The following PKHD1 variants were observed in gnomAD, a reference collection of about 807,000 sequenced individuals.
The protein encoded by PKHD1 is fibrocystin.
In PKHD1, 291 loss-of-function variants were observed where a neutral mutation model predicts 412.0. That is an observed-to-expected ratio of 0.71 (90% CI 0.64 to 0.78). PKHD1 has a LOEUF of 0.78. Among genes scored for constraint, PKHD1 ranks in the 30% least tolerant of loss-of-function variants. PKHD1 has a pLI of 0.00. For missense variants in PKHD1, 4,825 were observed against 4,950.7 expected (o/e 0.97, Z 0.76); for synonymous variants, 1,777 against 1,821.5 (o/e 0.98, Z 0.62).
intron 52 of PKHD1, among the ~76,000 whole-genome samples, chr6:51,822,496 G>T (rs1378107797): frequency 6.6e-6 from 1 of 151,970 alleles, no homozygotes; most frequent in Non-Finnish European, 1.5e-5. Context: ...AATTAGCATT[G>T]CCCTAAGATG....
rs186486633 is a variant in PKHD1, at chr6:51,780,726, A to T, written c.8441-4805T>A. Among the ~76,000 whole-genome samples, 90 of 152,162 alleles carry T rather than the reference A, an allele frequency of 5.9e-4. 1 individual carries two copies. The highest frequency in any genetic ancestry group is 2.1e-3 in the African/African-American group (86 of 41,548). On this transcript the variant is annotated intron_variant, in intron 53 of 66. Coordinates refer to ENST00000371117, the MANE Select transcript of PKHD1 (RefSeq NM_138694.4). The stretch of plus-strand genomic sequence containing the variant: ...TTTCATTTTATAAAATTTGTTGTAT[A>T]TGTGTGTCATTTTCCACAATTAATA...
At chr6:51,678,303 T>C (rs1562085159) in intron 60 of PKHD1, among the ~76,000 whole-genome samples, 1 of 152,186 alleles carries the variant, frequency 6.6e-6, no homozygotes, top group African/African-American at 2.4e-5. Context: ...TGGAGAGGGC[T>C]AAGTTAGATG....
In PKHD1 at chr6:51,744,453, C is replaced by A; in HGVS notation, c.10088G>T (p.Gly3363Val). The change falls in exon 60 of 67, where the codon GGT becomes GTT. Residue 3363 changes from glycine to valine, a missense_variant. By Grantham distance (109) the Gly-to-Val change is moderately radical. Coordinates refer to ENST00000371117, the MANE Select transcript of PKHD1 (RefSeq NM_138694.4). ...LFKDLDGRALGLPPPVSVFPK... is the reference protein window; with the variant it reads ...LFKDLDGRALVLPPPVSVFPK... ...AAATACAGAAACTGGTGGAGGCAGA[C>A]CCAGGGCTCTCCCATCCAGATCCTT... The A allele has an allele frequency of 1.2e-6, 2 of 1,612,410 alleles. No homozygotes were observed. Among genetic ancestry groups the A allele is most frequent in the Non-Finnish European group, 1.7e-6 (2 of 1,178,450 alleles).
At chr6:51,934,909 C>T (rs1003288214) in intron 36 of PKHD1, among the ~76,000 whole-genome samples, 4 of 152,124 alleles carry the variant, frequency 2.6e-5, no homozygotes, top group African/African-American at 7.2e-5. Flanking sequence ...GAGTCACATA[C>T]TCGGGCTTTA....
chr6:51,779,473 G>A (rs2151183034), intron 53 of PKHD1, among the ~76,000 whole-genome samples: 1 of 152,122 alleles, frequency 6.6e-6, no homozygotes, highest in Non-Finnish European at 1.5e-5. Context: ...TACTGTAAGG[G>A]CCATTTACCT....
At position 52,068,013 on chromosome 6, in the gene PKHD1, A is replaced by ACAT. The variant is rs533555420; in HGVS notation, c.778+1441_778+1443dup. Among the ~76,000 whole-genome samples, 269 of 152,320 alleles carry ACAT rather than the reference A, an allele frequency of 1.8e-3. 1 individual carries two copies. The highest frequency in any genetic ancestry group is 3.2e-3 in the Non-Finnish European group (218 of 68,030). On this transcript the variant is annotated intron_variant, in intron 11 of 66. Transcript: ENST00000371117. ...AGAAATGGAGAGTTGCTGTACAGAT[A>ACAT]CATCATAAATAAGAGAGAAAACTGG...
At position 52,054,201 on chromosome 6, in the gene PKHD1, T is replaced by C. The variant is rs767937192; in HGVS notation, c.1837-36A>G. On this transcript the variant is annotated intron_variant, in intron 19 of 66. Coordinates refer to ENST00000371117, the MANE Select transcript of PKHD1 (RefSeq NM_138694.4). ...CAAATAAGTCCTTCAGTTCTATTAG[T>C]GCAAGAAGCAGTCATTCAAACAATA... 1.1e-5 allele frequency: 18 copies of C among 1,609,284 alleles called. No individual in the cohort carries two copies. The Admixed American group carries it at 2.7e-4, about 24-fold the overall frequency.
chr6:51,902,083 G>A (rs181077554), intron 43 of PKHD1, among the ~76,000 whole-genome samples: 388 of 152,220 alleles, frequency 2.5e-3, no homozygotes, highest in African/African-American at 7.7e-3. Flanking sequence ...GTGAGACAAG[G>A]ACATTCCAGC....
intron 61 of PKHD1, among the ~76,000 whole-genome samples, chr6:51,658,555 G>C (rs1269857951): frequency 2.0e-5 from 3 of 152,026 alleles, no homozygotes; most frequent in African/African-American, 7.2e-5. Flanking sequence ...CAAATAAAAT[G>C]ATATAGCAGT....
intron 37 of PKHD1, among the ~76,000 whole-genome samples, chr6:51,928,586 T>C (rs1412461525): frequency 6.6e-6 from 1 of 151,584 alleles, no homozygotes; most frequent in Non-Finnish European, 1.5e-5. Flanking sequence ...ACTTTCCCCC[T>C]GGGCACCATG....
chr6:51,988,420 A>G (rs1796468166), intron 35 of PKHD1, among the ~76,000 whole-genome samples: 1 of 152,228 alleles, frequency 6.6e-6, no homozygotes, highest in Non-Finnish European at 1.5e-5. Context: ...TAGAAACTTA[A>G]AAGTACAAAA....
intron 28 of PKHD1, among the ~76,000 whole-genome samples, chr6:52,034,011 T>C (rs911882618): frequency 1.3e-4 from 20 of 151,784 alleles, no homozygotes; most frequent in African/African-American, 3.6e-4. Flanking sequence ...TGCCTGTAAT[T>C]CAAGCTACTC....
rs141265782 is a variant in PKHD1 at position 51,798,690 on chromosome 6, T to C, written c.8303-7317A>G. Among the ~76,000 whole-genome samples, 43 of 152,300 alleles carry C rather than the reference T, an allele frequency of 2.8e-4. 2 individuals carry two copies. The highest frequency in any genetic ancestry group is 6.8e-3 in the Middle Eastern group (2 of 294). On this transcript the variant is annotated intron_variant, in intron 52 of 66. Transcript: ENST00000371117. ...GCTTGCATAGCTAGGTTGGGGAAGTTTTCCTGGACGATATCCTAAAATATG... is the reference window on the plus strand; with the variant it reads ...GCTTGCATAGCTAGGTTGGGGAAGTCTTCCTGGACGATATCCTAAAATATG...
intron 52 of PKHD1, among the ~76,000 whole-genome samples, chr6:51,798,488 G>A (rs1205888029): frequency 1.3e-5 from 2 of 152,128 alleles, no homozygotes; most frequent in Non-Finnish European, 2.9e-5. Flanking sequence ...TCCATTAAGA[G>A]GTCTGCTGTT....
chr6:51,790,010 C>A (rs1793490838), intron 53 of PKHD1, among the ~76,000 whole-genome samples: 3 of 152,060 alleles, frequency 2.0e-5, no homozygotes. Flanking sequence ...TGGAAGTATT[C>A]AAGAAAAGGA....
chr6:52,005,607 T>A (rs1332531587), intron 35 of PKHD1, among the ~76,000 whole-genome samples: 1 of 152,132 alleles, frequency 6.6e-6, no homozygotes, highest in Non-Finnish European at 1.5e-5. Context: ...GAAGATGACC[T>A]TTCCCAACTC....
chr6:52,045,003 A>G lies in PKHD1; in HGVS notation c.2678T>C (p.Phe893Ser). The G allele has an allele frequency of 6.2e-7, 1 of 1,613,734 alleles. No individual in the cohort carries two copies. Among genetic ancestry groups the G allele is most frequent in the Non-Finnish European group, 8.5e-7 (1 of 1,179,656 alleles). ...GTTGGCAGTAGCCAACATGTCTCCA[A>G]ATATGGGTCCAAGAAAAACTCCACC... is the stretch of plus-strand genomic sequence containing the variant. ...YDGGVFLGPI[F>S]GDMLATANQH... is the part of the protein sequence containing the mutation. Residue 893 changes from phenylalanine to serine, a missense_variant, in exon 25 of 67, where the codon TTT (phenylalanine) becomes TCT (serine). Transcript: ENST00000371117.
chr6:51,787,305 G>C (rs1227712735), intron 53 of PKHD1, among the ~76,000 whole-genome samples: 1 of 149,878 alleles, frequency 6.7e-6, no homozygotes, highest in Non-Finnish European at 1.5e-5. Flanking sequence ...GTTGCAATGA[G>C]CTGAGATGGC....
intron 33 of PKHD1, among the ~76,000 whole-genome samples, chr6:52,018,532 A>T (rs569394481): frequency 2.2e-4 from 33 of 152,052 alleles, no homozygotes; most frequent in Middle Eastern, 3.2e-3. Context: ...TATTATTATT[A>T]TTTTTTGAGA....
Sources: allele counts gnomAD v4.1 joint callset (sites outside exome capture counted in the v4.1 genomes callset), GRCh38; gene constraint gnomAD v4.1.1; transcripts MANE v1.5; gene names NCBI Gene and HGNC (gene_info 2026-07-23, HGNC 2026-07-21).